CHRM4: variants seen among roughly 807,000 people sequenced by gnomAD.
CHRM4 encodes the protein muscarinic acetylcholine receptor M4.
A neutral mutation model predicts 26.3 loss-of-function variants in CHRM4; 5 were observed. The observed-to-expected ratio is 0.19, with a 90% CI of 0.10 to 0.40. The LOEUF (loss-of-function observed/expected upper bound fraction) is 0.40, where lower values mean the gene tolerates loss of function less well. Among genes scored for constraint, CHRM4 ranks in the 10% least tolerant of loss-of-function variants. CHRM4 has a pLI of 1.00. For missense variants in CHRM4, 402 were observed against 664.5 expected (o/e 0.60, Z 4.34); for synonymous variants, 290 against 285.3 (o/e 1.02, Z -0.16).
In CHRM4 at chr11:46,391,303, AC is replaced by A. The variant is rs1945389786; in HGVS notation, c.-30+227del. ...TGGGAGGGCTGGAGTACAGGGTCCC[AC>A]CCCCGACGGCTGCCCCTGGCTCCGT... On this transcript the variant is annotated intron_variant, in intron 1 of 1. Coordinates refer to ENST00000682254, the MANE Select transcript of CHRM4 (RefSeq NM_000741.5). The surrounding 1 kb of genome is among the most constrained non-coding windows in gnomAD (Gnocchi z 6.3). Among the ~76,000 whole-genome samples the A allele has an allele frequency of 6.6e-6, 1 of 151,018 alleles. No homozygotes were observed. The highest frequency in any genetic ancestry group is 2.4e-5 in the African/African-American group (1 of 40,972).
Position 46,385,347 on chromosome 11 carries a change from G to T in CHRM4, c.1211C>A (p.Ala404Asp). ...GGTGAGGATGAAGGCTAGCAGAATG[G>T]CAAAGATCGTTCGTGTCACTTTGCG... ...RERKVTRTIF[A>D]ILLAFILTWT... Residue 404 changes from alanine (A) to aspartate (D), a missense_variant, in exon 2 of 2, where the codon GCC (alanine) becomes GAC (aspartate). Ala to Asp is a moderately radical substitution (Grantham distance 126). Coordinates refer to ENST00000682254, the MANE Select transcript of CHRM4 (RefSeq NM_000741.5). The surrounding 1 kb of genome is among the most constrained non-coding windows in gnomAD (Gnocchi z 6.3). 1 of 1,610,828 alleles carries T rather than the reference G, an allele frequency of 6.2e-7. No individual in the cohort carries two copies. Among genetic ancestry groups the T allele is most frequent in the Non-Finnish European group, 8.5e-7 (1 of 1,177,242 alleles).
At chr11:46,387,530 G>A (rs1006813325) in intron 1 of CHRM4, among the ~76,000 whole-genome samples, 5 of 152,248 alleles carry the variant, frequency 3.3e-5, no homozygotes, top group African/African-American at 1.2e-4. Context: ...GCACGGAGCT[G>A]TTAAAAGCCT....
Position 46,385,092 on chromosome 11 carries a change from G to A in CHRM4, c.*26C>T. 1 of 1,565,910 alleles carries A rather than the reference G, an allele frequency of 6.4e-7. No homozygotes were observed. ...CCCCCAGCACACGCACGCAACACCA[G>A]CACCTCCTAGGGCACTCCTGCCTGC... On this transcript the variant is annotated 3_prime_UTR_variant, in exon 2 of 2. Transcript: ENST00000682254. The surrounding 1 kb of genome is among the most constrained non-coding windows in gnomAD (Gnocchi z 6.3).
At chr11:46,387,731 C>A (rs1275281698) in intron 1 of CHRM4, among the ~76,000 whole-genome samples, 2 of 152,188 alleles carry the variant, frequency 1.3e-5, no homozygotes, top group African/African-American at 4.8e-5. Flanking sequence ...GGAGGAGAGT[C>A]CCTGCAGAAG....
In CHRM4 at chr11:46,385,820, C is replaced by T. The variant is rs1245715263; in HGVS notation, c.738G>A (p.Lys246=). ...TGACGCTCTGCTTCATTAGTGGGCT[C>T]TTGAGGAAGGCCAGCGTCTTGGCTT... ...EKKAKTLAFL[K]SPLMKQSVKK... is the part of the protein sequence containing the mutation. Residue 246 remains lysine, a synonymous_variant, in exon 2 of 2, where the codon AAG becomes AAA. Transcript: ENST00000682254. The surrounding 1 kb of genome is among the most constrained non-coding windows in gnomAD (Gnocchi z 6.3). The T allele has an allele frequency of 6.2e-7, 1 of 1,600,136 alleles. No homozygotes were observed. The highest frequency in any genetic ancestry group is 8.5e-7 in the Non-Finnish European group (1 of 1,173,300).
intron 1 of CHRM4, among the ~76,000 whole-genome samples, chr11:46,388,958 TA>T (rs1156728751): frequency 6.6e-6 from 1 of 152,268 alleles, no homozygotes; most frequent in Non-Finnish European, 1.5e-5. Flanking sequence ...TCTGAGCTTT[TA>T]ATATAGATTA....
In CHRM4 at chr11:46,386,987, G is replaced by GAAGAC. The variant is rs1273761042; in HGVS notation, c.-29-402_-29-401insGTCTT. Among the ~76,000 whole-genome samples the GAAGAC allele has an allele frequency of 2.1e-5, 3 of 143,702 alleles. No homozygotes were observed. Among genetic ancestry groups the GAAGAC allele is most frequent in the Non-Finnish European group, 3.2e-5 (2 of 62,538 alleles). The allele number at this position is 143,702 out of a possible 152,430, so 94.3% of individuals were successfully genotyped here. A position where few individuals can be genotyped will look rare whatever the true frequency, so the allele number is the denominator to read the frequency against. On this transcript the variant is annotated intron_variant, in intron 1 of 1. Coordinates refer to ENST00000682254, the MANE Select transcript of CHRM4 (RefSeq NM_000741.5). The surrounding 1 kb of genome is among the most constrained non-coding windows in gnomAD (Gnocchi z 5.8). ...AGCCAGCCACAGGAGGAGCTGTGGAGAGTGGCCCTGCCAGGGGCAGTAGCC... is the reference window on the plus strand; with the variant it reads ...AGCCAGCCACAGGAGGAGCTGTGGAGAAGACAGTGGCCCTGCCAGGGGCAGTAGCC...
chr11:46,390,685 T>G (rs924043476), intron 1 of CHRM4, among the ~76,000 whole-genome samples: 1 of 152,264 alleles, frequency 6.6e-6, no homozygotes, highest in Non-Finnish European at 1.5e-5. Flanking sequence ...GGCTCCTCCA[T>G]GTCTCCGCCG....
intron 1 of CHRM4, among the ~76,000 whole-genome samples, chr11:46,387,515 C>CT (rs1485529370): frequency 3.9e-5 from 6 of 152,304 alleles, no homozygotes; most frequent in African/African-American, 1.4e-4. Context: ...GATGGGGAAA[C>CT]TGAGGCACGG....
chr11:46,385,799 G>A lies in CHRM4; in HGVS notation c.759C>T (p.Ser253=), dbSNP rs16938505. 779 of 1,595,856 alleles carry A rather than the reference G, an allele frequency of 4.9e-4. 2 individuals carry two copies. In the Middle Eastern group the frequency reaches 7.5e-3, roughly 15 times the overall value. ...CCTCCCCGGGCGGGGGCTTCTTGAC[G>A]CTCTGCTTCATTAGTGGGCTCTTGA... ...AFLKSPLMKQ[S]VKKPPPGEAA... is the part of the protein sequence containing the mutation. Residue 253 remains serine, a synonymous_variant, in exon 2 of 2, where the codon AGC becomes AGT. Transcript: ENST00000682254. The surrounding 1 kb of genome is among the most constrained non-coding windows in gnomAD (Gnocchi z 6.3).
At chr11:46,388,520 C>T (rs537726841) in intron 1 of CHRM4, among the ~76,000 whole-genome samples, 1 of 152,252 alleles carries the variant, frequency 6.6e-6, no homozygotes, top group Admixed American at 6.5e-5. Flanking sequence ...CAGATACAGA[C>T]CCAGCCTCCT....
In CHRM4 at chr11:46,383,897, C is replaced by A; in HGVS notation, c.*1221G>T. 1 of 343,594 alleles carries A rather than the reference C, an allele frequency of 2.9e-6. No individual in the cohort carries two copies. Among genetic ancestry groups the A allele is most frequent in the East Asian group, 7.9e-5 (1 of 12,730 alleles). 21.3% of individuals were successfully genotyped at this position (343,594 alleles called of 1,614,324 possible). On this transcript the variant is annotated 3_prime_UTR_variant, in exon 2 of 2. Coordinates refer to ENST00000682254, the MANE Select transcript of CHRM4 (RefSeq NM_000741.5). The stretch of plus-strand genomic sequence containing the variant: ...TGGGAAGGTGGGGAGAAAGACCAGG[C>A]TGTAGGGACTGGTGGGTTTCAGGGG...
At chr11:46,390,653 G>C (rs990661892) in intron 1 of CHRM4, among the ~76,000 whole-genome samples, 1 of 152,266 alleles carries the variant, frequency 6.6e-6, no homozygotes, top group Non-Finnish European at 1.5e-5. Context: ...CTCGAGGGCC[G>C]TGTTTTCCTA....
chr11:46,390,348 T>C (rs1434777707), intron 1 of CHRM4, among the ~76,000 whole-genome samples: 1 of 152,348 alleles, frequency 6.6e-6, no homozygotes, highest in East Asian at 1.9e-4. Context: ...AGCCTCTGAC[T>C]GACATCTGTC....
rs199710790 is a variant in CHRM4, at chr11:46,386,201, G to A, written c.357C>T (p.Ser119=). 1.2e-5 allele frequency: 20 copies of A among 1,613,702 alleles called. No homozygotes were observed. Among genetic ancestry groups the A allele is most frequent in the East Asian group, 6.7e-5 (3 of 44,896 alleles). The part of the protein sequence containing the change: ...LALDYVVSNA[S]VMNLLIISFD... ...AGCTGATGATGAGAAGGTTCATGACGGAGGCGTTGCTCACCACGTAGTCCA... is the reference window on the plus strand; with the variant it reads ...AGCTGATGATGAGAAGGTTCATGACAGAGGCGTTGCTCACCACGTAGTCCA... Residue 119 remains serine (S), a synonymous_variant, in exon 2 of 2, where the codon TCC becomes TCT. Transcript: ENST00000682254. This position sits in a 1 kb window ranked among gnomAD's most constrained non-coding sequence, Gnocchi z 5.8.
chr11:46,391,403 G>T lies in CHRM4; in HGVS notation c.-30+128C>A, dbSNP rs1258274387. ...CCCCTTCCCACGGGCGCACCCGGGC[G>T]CACCTGGAGAAGCCTCCGAGAGCCC... On this transcript the variant is annotated intron_variant, in intron 1 of 1. Transcript: ENST00000682254. The surrounding 1 kb of genome is among the most constrained non-coding windows in gnomAD (Gnocchi z 6.3). 6.6e-6 allele frequency among the ~76,000 whole-genome samples: 1 copy of T among 151,674 alleles called. No individual in the cohort carries two copies. Among genetic ancestry groups the T allele is most frequent in the African/African-American group, 2.4e-5 (1 of 41,244 alleles).
rs561495574 is a variant in CHRM4 at position 46,391,075 on chromosome 11, G to A, written c.-30+456C>T. Among the ~76,000 whole-genome samples, 4 of 152,216 alleles carry A rather than the reference G, an allele frequency of 2.6e-5. No individual in the cohort carries two copies. The highest frequency in any genetic ancestry group is 4.4e-5 in the Non-Finnish European group (3 of 67,982). ...CGGCTTGGAGGCTGGGCAGCAAAGG[G>A]GGGTAGTACCGGAGCGGGGGAGGGG... On this transcript the variant is annotated intron_variant, in intron 1 of 1. Coordinates refer to ENST00000682254, the MANE Select transcript of CHRM4 (RefSeq NM_000741.5). This position sits in a 1 kb window ranked among gnomAD's most constrained non-coding sequence, Gnocchi z 6.3.
intron 1 of CHRM4, among the ~76,000 whole-genome samples, chr11:46,388,463 A>T (rs1245616883): frequency 1.3e-5 from 2 of 152,264 alleles, no homozygotes; most frequent in Non-Finnish European, 2.9e-5. Context: ...GCCAAGGGCC[A>T]GGGTAACTGC....
At chr11:46,388,046 CT>C (rs1400940132) in intron 1 of CHRM4, among the ~76,000 whole-genome samples, 1 of 152,222 alleles carries the variant, frequency 6.6e-6, no homozygotes, top group Non-Finnish European at 1.5e-5. Flanking sequence ...TCTCCTCCCC[CT>C]CTTCCTCTTC....
Sources: gnomAD v4.1 joint callset for allele counts (sites outside exome capture counted in the v4.1 genomes callset) on GRCh38, gnomAD v4.1.1 for gene constraint, Gnocchi (gnomAD v3.1) non-coding constraint, MANE v1.5 for transcripts, NCBI Gene and HGNC (gene_info 2026-07-23, HGNC 2026-07-21) for gene names.